Variants in NSMAF observed in about 807,000 individuals in gnomAD.
NSMAF encodes neutral sphingomyelinase activation associated factor.
In NSMAF, 90 loss-of-function variants were observed where a neutral mutation model predicts 134.9. That is an observed-to-expected ratio of 0.67 (90% CI 0.56 to 0.79). The LOEUF is 0.79. Among genes scored for constraint, NSMAF ranks in the 30% least tolerant of loss-of-function variants. NSMAF has a pLI of 0.00. For missense variants in NSMAF, 1,010 were observed against 1,119.0 expected (o/e 0.90, Z 1.39); for synonymous variants, 358 against 389.6 (o/e 0.92, Z 0.96).
At chr8:58,595,746 C>A in intron 21 of NSMAF, 87 bp from the exon 22 acceptor site, 1 of 806,242 alleles carries the variant, frequency 1.2e-6, no homozygotes, top group South Asian at 1.4e-5. Flanking sequence ...CTATTAAAAT[C>A]AAACAACTAA....
intron 2 of NSMAF, 76 bp from the exon 3 acceptor site, chr8:58,635,622 G>A: frequency 1.2e-6 from 1 of 865,564 alleles, no homozygotes; most frequent in South Asian, 1.7e-5. Context: ...ATTTTAACTA[G>A]AAAGCAGGTT....
intron 6 of NSMAF, 76 bp downstream of exon 6, chr8:58,631,420 G>T: frequency 1.2e-6 from 1 of 800,110 alleles, no homozygotes; most frequent in Non-Finnish European, 2.0e-6. Context: ...GATTAAAGAT[G>T]TTAATAGAGT....
rs1807147074 is a variant in NSMAF at position 58,635,347 on chromosome 8, A to G, written c.254T>C (p.Ile85Thr). 1.2e-6 allele frequency: 2 copies of G among 1,608,254 alleles called. No individual in the cohort carries two copies. Among genetic ancestry groups the G allele is most frequent in the East Asian group, 2.2e-5 (1 of 44,748 alleles). ...GGCTCCATTTTCTCCATGCTTTCCT[A>G]TTTTTATACAGTCTCTCAAAGGAAT... ...IKIPLRDCIK[I>T]GKHGENGANR... Residue 85 changes from isoleucine to threonine, a missense_variant, in exon 4 of 31, where the codon ATA (isoleucine) becomes ACA (threonine). Coordinates refer to ENST00000038176, the MANE Select transcript of NSMAF (RefSeq NM_003580.4).
rs112763617 is a variant in NSMAF at position 58,615,254 on chromosome 8, C to A, written c.558-5521G>T. 3.2e-3 allele frequency among the ~76,000 whole-genome samples: 482 copies of A among 152,214 alleles called. 2 individuals are homozygous for A. The highest frequency in any genetic ancestry group is 0.011 in the African/African-American group (458 of 41,548). The stretch of plus-strand genomic sequence containing the variant: ...AATCACCACTGACAATTTTAACATC[C>A]TTCTCTCAGTGACTGATAGCACAAG... On this transcript the variant is annotated intron_variant, in intron 9 of 30. Coordinates refer to ENST00000038176, the MANE Select transcript of NSMAF (RefSeq NM_003580.4).
Position 58,621,791 on chromosome 8 carries a change from GTGTC to G in NSMAF, c.557+1425_557+1428del, listed in dbSNP as rs556475563. On this transcript the variant is annotated intron_variant, in intron 9 of 30. Transcript: ENST00000038176. ...TTGCATGTATGTCTTTTTTTGAAAA[GTGTC>G]TGTTCATGACCTTGGCCTACTTTTT... 1.2e-4 allele frequency among the ~76,000 whole-genome samples: 18 copies of G among 152,228 alleles called. No individual in the cohort carries two copies. In the East Asian group the frequency reaches 3.3e-3, roughly 28 times the overall value.
intron 11 of NSMAF, among the ~76,000 whole-genome samples, chr8:58,606,435 A>G (rs897579399): frequency 1.3e-5 from 2 of 152,184 alleles, no homozygotes; most frequent in African/African-American, 4.8e-5. Flanking sequence ...ATATATTTTG[A>G]GACCAGGTCC....
intron 2 of NSMAF, among the ~76,000 whole-genome samples, chr8:58,636,353 A>G (rs79075701): frequency 0.027 from 4,126 of 152,320 alleles, 206 homozygotes; most frequent in African/African-American, 0.093. Flanking sequence ...ATAAGTGACC[A>G]ATCATTAACA....
intron 14 of NSMAF, among the ~76,000 whole-genome samples, chr8:58,601,802 G>C (rs866006916): frequency 3.3e-5 from 5 of 152,164 alleles, no homozygotes; most frequent in Admixed American, 2.6e-4. Context: ...TCTCTTATGC[G>C]ATTTACCACA....
intron 1 of NSMAF, among the ~76,000 whole-genome samples, chr8:58,643,762 C>T (rs1807385438): frequency 6.6e-6 from 1 of 152,136 alleles, no homozygotes; most frequent in Non-Finnish European, 1.5e-5. Flanking sequence ...AACTCCCAAC[C>T]TCACGTAATC....
At chr8:58,637,036 A>ACACACACC (rs1376961857) in intron 2 of NSMAF, among the ~76,000 whole-genome samples, 1 of 151,330 alleles carries the variant, frequency 6.6e-6, no homozygotes, top group Non-Finnish European at 1.5e-5. Context: ...ACACACACAC[A>ACACACACC]CACACCCACA....
At chr8:58,640,667 C>A (rs1413759899) in intron 2 of NSMAF, among the ~76,000 whole-genome samples, 1 of 152,106 alleles carries the variant, frequency 6.6e-6, no homozygotes, top group Non-Finnish European at 1.5e-5. Context: ...AAATAATTTT[C>A]TGTGGCTAAC....
At chr8:58,637,185 C>T (rs1807195982) in intron 2 of NSMAF, 1 of 321,052 alleles carries the variant, frequency 3.1e-6, no homozygotes, top group South Asian at 2.6e-5. Context: ...GTCTACTTGC[C>T]CCTGCATCCT....
intron 20 of NSMAF, 36 bp downstream of exon 20, chr8:58,597,824 A>C (rs1806174572): frequency 7.2e-7 from 1 of 1,395,956 alleles, no homozygotes; most frequent in Non-Finnish European, 1.0e-6. Context: ...CATATCTTAT[A>C]ACTCAAGTAG....
At chr8:58,592,908 C>CAAAAAAAAAAAA (rs201173954) in intron 23 of NSMAF, among the ~76,000 whole-genome samples, 1 of 111,572 alleles carries the variant, frequency 9.0e-6, no homozygotes, top group African/African-American at 4.8e-5. Context: ...AAAACAAAAA[C>CAAAAAAAAAAAA]AACAACAACA....
chr8:58,646,394 C>A (rs887316355), intron 1 of NSMAF, among the ~76,000 whole-genome samples: 2 of 152,100 alleles, frequency 1.3e-5, no homozygotes, highest in Non-Finnish European at 2.9e-5. Context: ...CTATGATGCA[C>A]AAGTAGCCTT....
chr8:58,645,878 TA>T (rs1314696031), intron 1 of NSMAF, among the ~76,000 whole-genome samples: 8 of 152,052 alleles, frequency 5.3e-5, no homozygotes, highest in Non-Finnish European at 2.9e-5. Flanking sequence ...ACCTCTCTAC[TA>T]AAAGTACAAA....
At chr8:58,592,089 T>A (rs972304931) in intron 23 of NSMAF, among the ~76,000 whole-genome samples, 4 of 152,158 alleles carry the variant, frequency 2.6e-5, no homozygotes, top group Non-Finnish European at 4.4e-5. Context: ...CCCTGAGCAG[T>A]ATAATTAGAT....
chr8:58,601,191 A>G (rs1031177975), intron 16 of NSMAF, 94 bp downstream of exon 16: 1 of 1,061,442 alleles, frequency 9.4e-7, no homozygotes. Flanking sequence ...ACATTTCTTT[A>G]CTTTTTTATT....
chr8:58,650,330 C>G (rs982667234), intron 1 of NSMAF, among the ~76,000 whole-genome samples: 1 of 152,076 alleles, frequency 6.6e-6, no homozygotes, highest in African/African-American at 2.4e-5. Flanking sequence ...TCATTTGGGG[C>G]TTTAACCTTT....
Sources: gnomAD v4.1 joint callset for allele counts (sites outside exome capture counted in the v4.1 genomes callset) on GRCh38, gnomAD v4.1.1 for gene constraint, MANE v1.5 for transcripts, NCBI Gene and HGNC (gene_info 2026-07-23, HGNC 2026-07-21) for gene names.